The following CWH43 variants were observed in gnomAD, a reference collection of about 807,000 sequenced individuals.
CWH43 encodes PGAP2-interacting protein.
A neutral mutation model predicts 85.7 loss-of-function variants in CWH43; 91 were observed. The observed-to-expected ratio is 1.06, with a 90% CI of 0.90 to 1.26. The LOEUF (loss-of-function observed/expected upper bound fraction) is 1.26, where lower values mean the gene tolerates loss of function less well. CWH43 is among the 50% of genes most tolerant of loss of function. The pLI is 0.00. For missense variants in CWH43, 869 were observed against 839.2 expected (o/e 1.04, Z -0.44); for synonymous variants, 323 against 293.6 (o/e 1.10, Z -1.02).
chr4:49,039,431 T>TTATATATA (rs748807682), intron 13 of CWH43, among the ~76,000 whole-genome samples: 1 of 124,156 alleles, frequency 8.1e-6, no homozygotes, highest in African/African-American at 3.0e-5. Context: ...ATATATACAC[T>TTATATATA]TATATATATA....
intron 13 of CWH43, among the ~76,000 whole-genome samples, chr4:49,043,842 AT>A (rs767210446): frequency 8.1e-4 from 123 of 152,114 alleles, no homozygotes; most frequent in Non-Finnish European, 1.5e-3. Flanking sequence ...TTTAAATTTA[AT>A]TTAAAACATT....
intron 12 of CWH43, among the ~76,000 whole-genome samples, chr4:49,035,657 CAT>C (rs1194667432): frequency 6.6e-6 from 1 of 152,120 alleles, no homozygotes; most frequent in Non-Finnish European, 1.5e-5. Context: ...GATAAGAAAA[CAT>C]AAAGCATATG....
intron 8 of CWH43, among the ~76,000 whole-genome samples, chr4:49,015,537 A>T (rs865942493): frequency 5.3e-5 from 8 of 152,046 alleles, no homozygotes; most frequent in Non-Finnish European, 1.0e-4. Flanking sequence ...TTTTTCCTCC[A>T]TCTTGCTTGA....
chr4:49,008,074 T>G (rs1363063706), intron 8 of CWH43, among the ~76,000 whole-genome samples: 1 of 152,224 alleles, frequency 6.6e-6, no homozygotes, highest in Non-Finnish European at 1.5e-5. Flanking sequence ...TTGAACTTAT[T>G]TACACTCCCA....
rs562163229 is a variant in CWH43 at position 49,030,778 on chromosome 4, C to T, written c.1373-47C>T. On this transcript the variant is annotated intron_variant, in intron 10 of 15. Transcript: ENST00000226432. ...GTAAAGTGTTGCTAATTGTTTTTTG[C>T]CTTGCTGTGATTCATCACTGTATGC... The T allele has an allele frequency of 3.4e-6, 5 of 1,483,344 alleles. No individual in the cohort carries two copies. In the African/African-American group the frequency reaches 5.8e-5, roughly 17 times the overall value. 91.9% of individuals were successfully genotyped at this position (1,483,344 alleles called of 1,614,324 possible).
intron 13 of CWH43, among the ~76,000 whole-genome samples, chr4:49,043,175 A>G (rs1001269793): frequency 6.6e-5 from 10 of 152,220 alleles, no homozygotes; most frequent in African/African-American, 2.4e-4. Context: ...CTATGGAATC[A>G]TAGGGTTGTT....
At chr4:49,027,306 A>G (rs1229148950) in intron 9 of CWH43, among the ~76,000 whole-genome samples, 1 of 152,206 alleles carries the variant, frequency 6.6e-6, no homozygotes, top group Non-Finnish European at 1.5e-5. Flanking sequence ...GGAAGGAATC[A>G]AGGAGACTTC....
At chr4:49,002,832 G>A (rs1025581614) in intron 6 of CWH43, among the ~76,000 whole-genome samples, 2 of 152,084 alleles carry the variant, frequency 1.3e-5, no homozygotes, top group African/African-American at 2.4e-5. Flanking sequence ...TGAGCTATGG[G>A]GCATTAAGAT....
chr4:49,013,579 A>G (rs760004203), intron 8 of CWH43, among the ~76,000 whole-genome samples: 1 of 152,128 alleles, frequency 6.6e-6, no homozygotes, highest in Non-Finnish European at 1.5e-5. Flanking sequence ...TGTGTCGATC[A>G]TGCTGGGAGC....
At chr4:49,029,109 AAAAG>A (rs1485856791) in intron 10 of CWH43, among the ~76,000 whole-genome samples, 1 of 152,214 alleles carries the variant, frequency 6.6e-6, no homozygotes, top group Non-Finnish European at 1.5e-5. Context: ...GGTTGTAGGG[AAAAG>A]AAAGAGAGAT....
chr4:49,034,922 A>G (rs1560506594), intron 12 of CWH43, among the ~76,000 whole-genome samples: 1 of 152,208 alleles, frequency 6.6e-6, no homozygotes, highest in Non-Finnish European at 1.5e-5. Flanking sequence ...TATGAATATA[A>G]GGTATATTGG....
rs2109839671 is a variant in CWH43, at chr4:49,050,676, T to C, written c.1866-18T>C. On this transcript the variant is annotated intron_variant, in intron 14 of 15. Transcript: ENST00000226432. ...ACAATAATAAAACTGTTACAAACCA[T>C]TTCTGTTTCTGCTACAGGTTGGGTT... 1.2e-6 allele frequency: 2 copies of C among 1,600,360 alleles called. No homozygotes were observed. The highest frequency in any genetic ancestry group is 1.7e-6 in the Non-Finnish European group (2 of 1,173,776).
intron 14 of CWH43, among the ~76,000 whole-genome samples, chr4:49,049,732 G>A (rs908024382): frequency 1.3e-5 from 2 of 152,052 alleles, no homozygotes; most frequent in African/African-American, 4.8e-5. Context: ...TCCAGTATCT[G>A]TATGGCTTGA....
Position 49,003,754 on chromosome 4 carries a change from G to A in CWH43, c.822G>A (p.Gly274=). 1 of 1,613,830 alleles carries A rather than the reference G, an allele frequency of 6.2e-7. No individual in the cohort carries two copies. The highest frequency in any genetic ancestry group is 8.5e-7 in the Non-Finnish European group (1 of 1,179,888). ...AAACAGGAACAGCTTCAGCTGCGGG[G>A]CTCCTTTACCTGCACACATGGGCAG... is the stretch of plus-strand genomic sequence containing the variant. The part of the protein sequence containing the change: ...WWVTGTASAA[G]LLYLHTWAAA... Residue 274 remains glycine (G), a synonymous_variant, in exon 7 of 16, where the codon GGG becomes GGA. Coordinates refer to ENST00000226432, the MANE Select transcript of CWH43 (RefSeq NM_025087.3).
chr4:49,039,448 T>C (rs193282853), intron 13 of CWH43, among the ~76,000 whole-genome samples: 2,947 of 141,968 alleles, frequency 0.021, 87 homozygotes, highest in Admixed American at 0.084. Context: ...TATATATATA[T>C]ACTATAATGC....
intron 4 of CWH43, among the ~76,000 whole-genome samples, chr4:48,993,088 T>C (rs1303755393): frequency 2.0e-5 from 3 of 152,170 alleles, no homozygotes; most frequent in Non-Finnish European, 4.4e-5. Context: ...CTGGCCTCTG[T>C]TTTAAATGTA....
At chr4:49,017,203 T>C in intron 8 of CWH43, 46 bp from the exon 9 acceptor site, 3 of 1,495,868 alleles carry the variant, frequency 2.0e-6, no homozygotes, top group Non-Finnish European at 2.7e-6. Flanking sequence ...ATTTATTTTA[T>C]TTTATTTATT....
chr4:49,035,790 CCA>C (rs1784245682), intron 12 of CWH43, among the ~76,000 whole-genome samples: 1 of 152,026 alleles, frequency 6.6e-6, no homozygotes, highest in Non-Finnish European at 1.5e-5. Context: ...CAGATTACTT[CCA>C]GTTAGAATAT....
chr4:49,038,615 G>T (rs182697716), intron 13 of CWH43, among the ~76,000 whole-genome samples: 1 of 152,170 alleles, frequency 6.6e-6, no homozygotes. Flanking sequence ...AGCCTTGTAA[G>T]TCATATACTG....
Sources: gnomAD v4.1 joint callset for allele counts (sites outside exome capture counted in the v4.1 genomes callset) on GRCh38, gnomAD v4.1.1 for gene constraint, MANE v1.5 for transcripts, NCBI Gene and HGNC (gene_info 2026-07-23, HGNC 2026-07-21) for gene names.